Variants in PSPH observed in about 807,000 individuals in gnomAD.
The protein encoded by PSPH is phosphoserine phosphatase, also known as L-3-phosphoserine phosphatase.
Under a neutral mutation model 23.4 loss-of-function variants are expected in PSPH, and 16 were observed. The observed-to-expected ratio is 0.68, with a 90% CI of 0.46 to 1.04. The LOEUF is 1.04. Ranked by LOEUF, PSPH falls within the 50% of genes least tolerant of loss-of-function variation. PSPH has a pLI of 0.00. For synonymous variants in PSPH, 68 were observed against 99.7 expected (o/e 0.68, Z 1.89); for missense variants, 223 against 273.7 (o/e 0.81, Z 1.31).
At chr7:56,048,274 T>C (rs1793515050) in intron 1 of PSPH, among the ~76,000 whole-genome samples, 1 of 137,542 alleles carries the variant, frequency 7.3e-6, no homozygotes. Context: ...AGCAACACTC[T>C]GTCTTTAAAA....
intron 6 of PSPH, among the ~76,000 whole-genome samples, chr7:56,017,016 C>T (rs1788648519): frequency 6.6e-6 from 1 of 152,140 alleles, no homozygotes; most frequent in Non-Finnish European, 1.5e-5. Context: ...TATGTACAGA[C>T]AGGTGATGTT....
chr7:56,040,450 G>A (rs150291188), intron 1 of PSPH, among the ~76,000 whole-genome samples: 27 of 152,068 alleles, frequency 1.8e-4, no homozygotes, highest in African/African-American at 5.8e-4. Flanking sequence ...CTGGAGTTCC[G>A]TGGTGTAATC....
chr7:56,029,452 C>G (rs1790644523), intron 3 of PSPH, among the ~76,000 whole-genome samples: 1 of 149,890 alleles, frequency 6.7e-6, no homozygotes. Flanking sequence ...CTGGCTGGCC[C>G]CAGCTAGTTC....
intron 6 of PSPH, among the ~76,000 whole-genome samples, chr7:56,016,478 G>A (rs1465057860): frequency 1.3e-5 from 2 of 151,022 alleles, no homozygotes; most frequent in South Asian, 4.2e-4. Context: ...TATAACAGCT[G>A]TGGCACCGCT....
At chr7:56,024,756 T>C (rs1789953028) in intron 3 of PSPH, among the ~76,000 whole-genome samples, 1 of 149,606 alleles carries the variant, frequency 6.7e-6, no homozygotes, top group South Asian at 2.1e-4. Context: ...TCAAAAGTAA[T>C]AATAATAAAT....
intron 3 of PSPH, among the ~76,000 whole-genome samples, chr7:56,027,608 A>G (rs1253921836): frequency 6.6e-6 from 1 of 150,478 alleles, no homozygotes; most frequent in Non-Finnish European, 1.5e-5. Context: ...AATTGCTTGA[A>G]CGCGGGAGGT....
intron 1 of PSPH, among the ~76,000 whole-genome samples, chr7:56,038,786 T>G (rs1792077058): frequency 6.6e-6 from 1 of 150,398 alleles, no homozygotes; most frequent in Admixed American, 6.7e-5. Flanking sequence ...GTTGAGGCTG[T>G]GCTAAGATCA....
chr7:56,023,067 G>GA (rs1189552469), intron 3 of PSPH, among the ~76,000 whole-genome samples: 5 of 151,830 alleles, frequency 3.3e-5, no homozygotes, highest in Non-Finnish European at 4.4e-5. Flanking sequence ...CTGAAGAAAA[G>GA]AAAAAATCAT....
rs192760982 is a variant in PSPH, at chr7:56,015,094, C to T, written c.499G>A (p.Glu167Lys). ...ATTATTTTCTTAAAATGAAATTTTT[C>T]CTTTAAAAGTTTAATCACTTTTCCT... ...GKGKVIKLLK[E>K]KFHFKKIIMI... Residue 167 changes from glutamate to lysine, a missense_variant, in exon 7 of 8, where the codon GAA (glutamate) becomes AAA (lysine). Coordinates refer to ENST00000275605, the MANE Select transcript of PSPH (RefSeq NM_004577.4). The T allele has an allele frequency of 6.2e-7, 1 of 1,613,980 alleles. No individual in the cohort carries two copies. Among genetic ancestry groups the T allele is most frequent in the Non-Finnish European group, 8.5e-7 (1 of 1,179,940 alleles).
At chr7:56,048,019 C>T (rs1439516330) in intron 1 of PSPH, among the ~76,000 whole-genome samples, 2 of 152,006 alleles carry the variant, frequency 1.3e-5, no homozygotes, top group African/African-American at 4.8e-5. Flanking sequence ...TGGCTCATGC[C>T]TGTAATCCCG....
At chr7:56,019,487 G>A in intron 5 of PSPH, 113 bp downstream of exon 5, 1 of 1,317,392 alleles carries the variant, frequency 7.6e-7, no homozygotes. Flanking sequence ...AAATGAAAAT[G>A]AAAATAAATA....
intron 6 of PSPH, 62 bp from the exon 7 acceptor site, chr7:56,015,233 T>A (rs1283921530): frequency 3.2e-6 from 5 of 1,574,202 alleles, no homozygotes; most frequent in Non-Finnish European, 2.6e-6. Context: ...ATGCCAGCTT[T>A]CTGCATAGAT....
intron 1 of PSPH, among the ~76,000 whole-genome samples, chr7:56,048,592 G>C (rs1793557141): frequency 6.6e-6 from 1 of 152,110 alleles, no homozygotes; most frequent in African/African-American, 2.4e-5. Flanking sequence ...TACACTGGGG[G>C]ATCTGTGGGT....
Position 56,018,931 on chromosome 7 carries a change from C to T in PSPH, c.275+669G>A, listed in dbSNP as rs763982170. On this transcript the variant is annotated intron_variant, in intron 5 of 7. Coordinates refer to ENST00000275605, the MANE Select transcript of PSPH (RefSeq NM_004577.4). The stretch of plus-strand genomic sequence containing the variant: ...GCTGCAGTGAGCTCTATTCATGCCA[C>T]TGCACTCCAGCCTGGGTGACAAAGT... 7.9e-5 allele frequency among the ~76,000 whole-genome samples: 12 copies of T among 152,038 alleles called. 1 individual carries two copies. The highest frequency in any genetic ancestry group is 1.3e-4 in the Admixed American group (2 of 15,244).
chr7:56,039,366 AATG>A (rs1417082048), intron 1 of PSPH, among the ~76,000 whole-genome samples: 3 of 152,176 alleles, frequency 2.0e-5, no homozygotes, highest in African/African-American at 7.2e-5. Context: ...GTAGTTAATC[AATG>A]ATATTATAAT....
chr7:56,034,671 A>C (rs1212940129), intron 1 of PSPH, among the ~76,000 whole-genome samples: 1 of 151,860 alleles, frequency 6.6e-6, no homozygotes, highest in African/African-American at 2.4e-5. Context: ...GCCCGCCACC[A>C]CGCCCGGCTA....
chr7:56,045,872 G>T (rs1402495950), intron 1 of PSPH, among the ~76,000 whole-genome samples: 2 of 135,246 alleles, frequency 1.5e-5, no homozygotes, highest in Non-Finnish European at 3.1e-5. Flanking sequence ...GGGTGACAGA[G>T]CAAGACTTTG....
intron 7 of PSPH, among the ~76,000 whole-genome samples, chr7:56,014,326 G>A (rs973870714): frequency 4.6e-5 from 7 of 152,072 alleles, no homozygotes; most frequent in Admixed American, 6.6e-5. Flanking sequence ...CCCATCCTAC[G>A]GGGATAAGGC....
intron 1 of PSPH, among the ~76,000 whole-genome samples, chr7:56,042,446 T>C (rs1417650290): frequency 4.7e-5 from 7 of 149,792 alleles, no homozygotes; most frequent in Non-Finnish European, 1.0e-4. Flanking sequence ...AGGCCAGGAG[T>C]TCAAGACCAG....
Sources: gnomAD v4.1 joint callset for allele counts (sites outside exome capture counted in the v4.1 genomes callset) on GRCh38, gnomAD v4.1.1 for gene constraint, MANE v1.5 for transcripts, NCBI Gene and HGNC (gene_info 2026-07-23, HGNC 2026-07-21) for gene names.